Variants in MDN1 observed in about 807,000 individuals in gnomAD.
MDN1 encodes the protein midasin AAA ATPase 1.
MDN1 carries 266 observed loss-of-function variants against 669.2 expected under a neutral mutation model. The observed-to-expected ratio is 0.40, with a 90% CI of 0.36 to 0.44. The LOEUF is 0.44. Among genes scored for constraint, MDN1 ranks in the 20% least tolerant of loss-of-function variants. The pLI, the probability that MDN1 is intolerant of heterozygous loss-of-function variation, is 1.00. For missense variants in MDN1, 5,940 were observed against 6,754.0 expected (o/e 0.88, Z 4.22); for synonymous variants, 2,385 against 2,457.1 (o/e 0.97, Z 0.87).
intron 22 of MDN1, 28 bp downstream of exon 22, chr6:89,753,484 A>G: frequency 6.5e-7 from 1 of 1,541,576 alleles, no homozygotes; most frequent in Non-Finnish European, 8.9e-7. Context: ...TTCAAGTGTA[A>G]CAAGTCAAAA....
At chr6:89,694,223 T>C in intron 61 of MDN1, 40 bp from the exon 62 acceptor site, 1 of 1,523,984 alleles carries the variant, frequency 6.6e-7, no homozygotes, top group South Asian at 1.1e-5. Flanking sequence ...GTGTCCCAGC[T>C]ATGACCATGC....
At chr6:89,765,789 T>C (rs1584338702) in intron 15 of MDN1, among the ~76,000 whole-genome samples, 2 of 152,244 alleles carry the variant, frequency 1.3e-5, no homozygotes, top group Non-Finnish European at 1.5e-5. Context: ...GTTTAAAATA[T>C]AGAGGATAAC....
chr6:89,688,043 A>G, intron 67 of MDN1, 35 bp downstream of exon 67: 2 of 1,557,338 alleles, frequency 1.3e-6, no homozygotes, highest in South Asian at 1.1e-5. Context: ...CCAACTGACC[A>G]CCAACTAAAA....
At chr6:89,708,452 A>C in intron 51 of MDN1, 44 bp downstream of exon 51, 1 of 1,603,872 alleles carries the variant, frequency 6.2e-7, no homozygotes, top group Non-Finnish European at 8.5e-7. Flanking sequence ...TAATCCGAGA[A>C]GCCAGTGAGG....
chr6:89,678,270 A>T (rs1192389182), intron 75 of MDN1, among the ~76,000 whole-genome samples: 1 of 152,142 alleles, frequency 6.6e-6, no homozygotes, highest in Non-Finnish European at 1.5e-5. Flanking sequence ...CGGAGGTTGC[A>T]GTGAGCTGAG....
chr6:89,658,724 A>T lies in MDN1; in HGVS notation c.14907T>A (p.Ala4969=), dbSNP rs1809509199. 6.2e-7 allele frequency: 1 copy of T among 1,613,976 alleles called. No individual in the cohort carries two copies. Among genetic ancestry groups the T allele is most frequent in the Non-Finnish European group, 8.5e-7 (1 of 1,180,018 alleles). The part of the protein sequence containing the change: ...TGADDQDGDA[A]QHPEEHSEEQ... ...CCTCAGAGTGTTCTTCAGGATGCTG[A>T]GCAGCATCTCCATCTTGGTCATCAG... Residue 4969 remains alanine, a synonymous_variant, in exon 89 of 102, where the codon GCT becomes GCA. Transcript: ENST00000369393.
chr6:89,646,677 A>C, intron 99 of MDN1, 74 bp from the exon 100 acceptor site: 1 of 1,281,608 alleles, frequency 7.8e-7, no homozygotes, highest in Non-Finnish European at 1.1e-6. Flanking sequence ...GACTGATAGT[A>C]TTTCTGACAT....
intron 37 of MDN1, 109 bp downstream of exon 37, chr6:89,727,724 A>G: frequency 6.5e-7 from 1 of 1,540,150 alleles, no homozygotes; most frequent in Admixed American, 1.8e-5. Context: ...GAGAAAAGTC[A>G]TCAGCGGGAT....
chr6:89,810,293 G>A (rs1372019249), intron 1 of MDN1, among the ~76,000 whole-genome samples: 1 of 151,768 alleles, frequency 6.6e-6, no homozygotes, highest in Non-Finnish European at 1.5e-5. Flanking sequence ...AAAATTAGCC[G>A]GGTATGGTGG....
intron 49 of MDN1, 36 bp downstream of exon 49, chr6:89,712,000 A>C: frequency 7.1e-6 from 11 of 1,544,990 alleles, no homozygotes; most frequent in Non-Finnish European, 9.8e-6. Flanking sequence ...GTGTATATAA[A>C]TCACATCAGT....
intron 2 of MDN1, among the ~76,000 whole-genome samples, chr6:89,802,542 G>A (rs936727533): frequency 1.3e-5 from 2 of 152,044 alleles, no homozygotes; most frequent in Admixed American, 6.6e-5. Flanking sequence ...AATTAGCTGG[G>A]CGTGGTGGTG....
chr6:89,694,700 C>T (rs1274673773), intron 61 of MDN1, among the ~76,000 whole-genome samples: 5 of 151,796 alleles, frequency 3.3e-5, no homozygotes, highest in Non-Finnish European at 5.9e-5. Flanking sequence ...CATGCCACCA[C>T]ACCCAGCTTT....
intron 52 of MDN1, among the ~76,000 whole-genome samples, chr6:89,706,740 AG>A (rs767125161): frequency 1.3e-5 from 2 of 152,204 alleles, no homozygotes; most frequent in Non-Finnish European, 2.9e-5. Context: ...CAGATTATAA[AG>A]AAAAAAATGT....
chr6:89,804,485 G>C (rs145010646), intron 1 of MDN1, among the ~76,000 whole-genome samples: 240 of 152,212 alleles, frequency 1.6e-3, no homozygotes, highest in African/African-American at 5.5e-3. Flanking sequence ...ATGTGCTGGG[G>C]TTTCAACAAT....
rs141496860 is a variant in MDN1, at chr6:89,693,120, C to A, written c.9910G>T (p.Asp3304Tyr). ...RLLRQRMDRL[D>Y]NLTCHLLKKQ... The stretch of plus-strand genomic sequence containing the variant: ...TTCAACAGGTGACAGGTTAAATTAT[C>A]CAGCCGATCCATCCTTTGGCGAAGC... Residue 3304 changes from aspartate to tyrosine, a missense_variant, in exon 63 of 102, where the codon GAT (aspartate) becomes TAT (tyrosine). Coordinates refer to ENST00000369393, the MANE Select transcript of MDN1 (RefSeq NM_014611.3). The A allele has an allele frequency of 8.2e-6, 13 of 1,594,012 alleles. No homozygotes were observed. Among genetic ancestry groups the A allele is most frequent in the Admixed American group, 1.8e-5 (1 of 55,484 alleles).
At chr6:89,670,589 G>A (rs1477466312) in intron 83 of MDN1, among the ~76,000 whole-genome samples, 5 of 152,096 alleles carry the variant, frequency 3.3e-5, no homozygotes, top group African/African-American at 1.2e-4. Flanking sequence ...TAGTTCAAGA[G>A]TTATCTGAAG....
Position 89,819,745 on chromosome 6 carries a change from C to G in MDN1, c.-138G>C, listed in dbSNP as rs1008095915. On this transcript the variant is annotated 5_prime_UTR_variant, in exon 1 of 102. Transcript: ENST00000369393. ...GGCGTCCTCAGCTCCAGCGCCTACA[C>G]CGGGAGAGGGGCACCACACGTGGGT... The G allele has an allele frequency of 3.0e-6, 2 of 673,544 alleles. No individual in the cohort carries two copies. The highest frequency in any genetic ancestry group is 5.2e-6 in the Non-Finnish European group (2 of 384,304). 41.7% of individuals were successfully genotyped at this position (673,544 alleles called of 1,614,324 possible). A position where few individuals can be genotyped will look rare whatever the true frequency, so the allele number is the denominator to read the frequency against.
intron 31 of MDN1, among the ~76,000 whole-genome samples, chr6:89,742,527 C>T (rs994984249): frequency 5.9e-5 from 9 of 152,202 alleles, no homozygotes; most frequent in African/African-American, 2.2e-4. Flanking sequence ...TACTGCAATA[C>T]CACTAACTCA....
chr6:89,816,386 C>G (rs1768833243), intron 1 of MDN1, among the ~76,000 whole-genome samples: 1 of 151,084 alleles, frequency 6.6e-6, no homozygotes, highest in Admixed American at 6.6e-5. Flanking sequence ...GGTGACAGAG[C>G]AAGACTCCAT....
Sources: allele counts gnomAD v4.1 joint callset (sites outside exome capture counted in the v4.1 genomes callset), GRCh38; gene constraint gnomAD v4.1.1; transcripts MANE v1.5; gene names NCBI Gene and HGNC (gene_info 2026-07-23, HGNC 2026-07-21).